VSTM1: variants seen among roughly 807,000 people sequenced by gnomAD.
The protein encoded by VSTM1 is V-set and transmembrane domain containing 1, also known as V-set and transmembrane domain-containing protein 1.
In VSTM1, 27 loss-of-function variants were observed where a neutral mutation model predicts 33.1. That is an observed-to-expected ratio of 0.82 (90% CI 0.60 to 1.12). VSTM1 has a LOEUF of 1.12. Ranked by LOEUF, VSTM1 falls within the 50% of genes most tolerant of loss-of-function variation. The pLI is 0.00. For missense variants in VSTM1, 304 were observed against 288.9 expected, an observed-to-expected ratio of 1.05 and a Z score of -0.38; for synonymous variants, 115 against 110.3, an observed-to-expected ratio of 1.04 and a Z score of -0.27.
At chr19:54,043,568 C>T (rs1276276145) in intron 4 of VSTM1, among the ~76,000 whole-genome samples, 3 of 152,110 alleles carry the variant, frequency 2.0e-5, no homozygotes, top group Admixed American at 6.5e-5. Flanking sequence ...CCCACCATCA[C>T]GCCCGGCTAA....
intron 4 of VSTM1, among the ~76,000 whole-genome samples, chr19:54,042,806 GTATATATATATATA>G (rs1203522841): frequency 2.4e-4 from 14 of 57,938 alleles, no homozygotes; most frequent in South Asian, 1.2e-3. Context: ...ATATAAATGT[GTATATATATATATA>G]TATATATATA....
intron 3 of VSTM1, among the ~76,000 whole-genome samples, chr19:54,054,848 A>AATGG (rs74177847): frequency 0.03 from 3,808 of 125,350 alleles, 451 homozygotes; most frequent in African/African-American, 0.084. Flanking sequence ...TGGATAGATG[A>AATGG]ATGGATGGAT....
At chr19:54,056,101 T>G (rs1394317379) in intron 3 of VSTM1, among the ~76,000 whole-genome samples, 1 of 140,062 alleles carries the variant, frequency 7.1e-6, no homozygotes, top group East Asian at 2.0e-4. Context: ...AGGTCAATGT[T>G]GTCCTCTCCT....
intron 1 of VSTM1, among the ~76,000 whole-genome samples, chr19:54,059,973 G>A (rs988070911): frequency 8.6e-5 from 13 of 151,324 alleles, no homozygotes; most frequent in Middle Eastern, 3.4e-3. Flanking sequence ...TCGGCCTCCC[G>A]AGTAGCTGGG....
chr19:54,055,022 T>G (rs1203192218), intron 3 of VSTM1, among the ~76,000 whole-genome samples: 1 of 140,186 alleles, frequency 7.1e-6, no homozygotes, highest in African/African-American at 2.6e-5. Context: ...GGTGAGTAGA[T>G]AAATGGGTAG....
chr19:54,059,143 C>T (rs2146139355), intron 1 of VSTM1, among the ~76,000 whole-genome samples: 1 of 149,432 alleles, frequency 6.7e-6, no homozygotes, highest in South Asian at 2.1e-4. Context: ...TCACTGCAAC[C>T]TCCGCCTCCC....
chr19:54,045,206 T>G (rs540438065), intron 4 of VSTM1, among the ~76,000 whole-genome samples: 1 of 152,336 alleles, frequency 6.6e-6, no homozygotes, highest in African/African-American at 2.4e-5. Context: ...ACCTATCTAA[T>G]TTATCTATCT....
intron 4 of VSTM1, among the ~76,000 whole-genome samples, chr19:54,042,582 A>G (rs1406317071): frequency 6.6e-6 from 1 of 151,796 alleles, no homozygotes; most frequent in African/African-American, 2.4e-5. Flanking sequence ...TAGCAGCAGT[A>G]GCTACTTTAT....
At position 54,040,931 on chromosome 19, in the gene VSTM1, C is replaced by G. The variant is rs376810772; in HGVS notation, c.*30G>C. On this transcript the variant is annotated 3_prime_UTR_variant, in exon 9 of 9. Coordinates refer to ENST00000338372, the MANE Select transcript of VSTM1 (RefSeq NM_198481.4). ...GATAACCTTGGCCAGCACGATCCCC[C>G]CTCCTTTAGTGGCCAGGGCTGTCTT... The G allele has an allele frequency of 1.7e-4, 270 of 1,603,640 alleles. 2 individuals carry two copies. The highest frequency in any genetic ancestry group is 1.2e-3 in the South Asian group (104 of 90,088).
chr19:54,041,393 C>T (rs1159966996), intron 8 of VSTM1, among the ~76,000 whole-genome samples: 1 of 151,898 alleles, frequency 6.6e-6, no homozygotes, highest in East Asian at 1.9e-4. Context: ...CCTCCGCCTC[C>T]CGGGTTCAAG....
intron 3 of VSTM1, among the ~76,000 whole-genome samples, chr19:54,057,134 G>A (rs1037181747): frequency 7.1e-6 from 1 of 140,376 alleles, no homozygotes; most frequent in Non-Finnish European, 1.6e-5. Flanking sequence ...GGGATTACAG[G>A]CATGAGCCAC....
At chr19:54,042,677 T>A (rs2070350434) in intron 4 of VSTM1, among the ~76,000 whole-genome samples, 1 of 150,868 alleles carries the variant, frequency 6.6e-6, no homozygotes, top group African/African-American at 2.4e-5. Flanking sequence ...GAATGTTTGG[T>A]GCATAGCAAT....
Position 54,063,771 on chromosome 19 carries a change from C to T in VSTM1, c.7G>A (p.Ala3Thr), listed in dbSNP as rs1333998510. The change falls in exon 1 of 9, where the codon GCA becomes ACA. Residue 3 changes from alanine (A) to threonine (T), a missense_variant. Coordinates refer to ENST00000338372, the MANE Select transcript of VSTM1 (RefSeq NM_198481.4). ...AGGCAAAGCAGGGAGAGGAATTCTGCGGTCATAGCGTCCCTTCTGCCAGAA... is the reference window on the plus strand; with the variant it reads ...AGGCAAAGCAGGGAGAGGAATTCTGTGGTCATAGCGTCCCTTCTGCCAGAA... Reference protein sequence around the residue: MTAEFLSLLCLGL... With the variant: MTTEFLSLLCLGL... 3 of 1,613,730 alleles carry T rather than the reference C, an allele frequency of 1.9e-6. No homozygotes were observed. Among genetic ancestry groups the T allele is most frequent in the Admixed American group, 1.7e-5 (1 of 59,952 alleles).
chr19:54,042,839 CATATAT>C (rs57596611), intron 4 of VSTM1, among the ~76,000 whole-genome samples: 30 of 70,736 alleles, frequency 4.2e-4, no homozygotes, highest in South Asian at 8.5e-4. Context: ...TATATATATA[CATATAT>C]ATATATATAT....
At chr19:54,052,409 A>G (rs1297244905) in intron 3 of VSTM1, among the ~76,000 whole-genome samples, 2 of 139,174 alleles carry the variant, frequency 1.4e-5, no homozygotes, top group Non-Finnish European at 3.1e-5. Context: ...AAAAAAAAAT[A>G]AAAATAAAAA....
chr19:54,063,487 G>GGCTGCAGACTCGGAGACCCC (rs1397223536), intron 1 of VSTM1, among the ~76,000 whole-genome samples: 1 of 152,102 alleles, frequency 6.6e-6, no homozygotes, highest in African/African-American at 2.4e-5. Context: ...GGTATTTAGC[G>GGCTGCAGACTCGGAGACCCC]GCTGCAGACT....
chr19:54,056,418 G>A (rs1015885759), intron 3 of VSTM1, among the ~76,000 whole-genome samples: 1 of 136,642 alleles, frequency 7.3e-6, no homozygotes, highest in Non-Finnish European at 1.6e-5. Flanking sequence ...ATGGAGTTTC[G>A]CCATGTTACC....
intron 4 of VSTM1, among the ~76,000 whole-genome samples, chr19:54,050,406 T>C (rs1195441665): frequency 6.6e-6 from 1 of 152,070 alleles, no homozygotes; most frequent in East Asian, 1.9e-4. Context: ...TTTTGAGAAT[T>C]TTAGAGTTAT....
rs771702418 is a variant in VSTM1, at chr19:54,048,603, A to G, written c.394+2807T>C. Among the ~76,000 whole-genome samples, 11 of 152,196 alleles carry G rather than the reference A, an allele frequency of 7.2e-5. 1 individual carries two copies. The highest frequency in any genetic ancestry group is 3.9e-4 in the Admixed American group (6 of 15,270). On this transcript the variant is annotated intron_variant, in intron 4 of 8. Transcript: ENST00000338372. The stretch of plus-strand genomic sequence containing the variant: ...AGGAATATAACATGATACAGCCACA[A>G]TGGAAAATGATTTGGCAGTTCCTCA...
Sources: allele counts gnomAD v4.1 joint callset (sites outside exome capture counted in the v4.1 genomes callset), GRCh38; gene constraint gnomAD v4.1.1; transcripts MANE v1.5; gene names NCBI Gene and HGNC (gene_info 2026-07-23, HGNC 2026-07-21).